TAF4B: variants seen among roughly 807,000 people sequenced by gnomAD.
The protein encoded by TAF4B is TATA-box binding protein associated factor 4b, also known as transcription initiation factor TFIID subunit 4B.
A neutral mutation model predicts 86.4 loss-of-function variants in TAF4B; 38 were observed. The observed-to-expected ratio is 0.44, with a 90% CI of 0.34 to 0.58. The LOEUF (loss-of-function observed/expected upper bound fraction) is 0.58. Among genes scored for constraint, TAF4B ranks in the 20% least tolerant of loss-of-function variants. The probability of loss-of-function intolerance (pLI) is 0.02; values close to 1 mark genes in which losing one functional copy is unlikely to be tolerated. For missense variants in TAF4B, 988 were observed against 1,027.6 expected (o/e 0.96, Z 0.53); for synonymous variants, 388 against 391.2 (o/e 0.99, Z 0.10).
intron 1 of TAF4B, among the ~76,000 whole-genome samples, chr18:26,231,344 G>GTTTTTTTTTTTT (rs1260610897): frequency 1.6e-5 from 1 of 60,788 alleles, no homozygotes; most frequent in Non-Finnish European, 2.9e-5. Context: ...AGCTGCTTGG[G>GTTTTTTTTTTTT]GTTTTTTTTT....
At chr18:26,343,387 C>T (rs367684044) in intron 13 of TAF4B, among the ~76,000 whole-genome samples, 2 of 152,262 alleles carry the variant, frequency 1.3e-5, no homozygotes, top group South Asian at 2.1e-4. Context: ...TTCTAATGAG[C>T]GTACCAAAGC....
chr18:26,315,161 T>TCTCTCTCTCTCTCCCA (rs1282068871), intron 9 of TAF4B, 68 bp from the exon 10 acceptor site: 1 of 210,592 alleles, frequency 4.7e-6, no homozygotes. Flanking sequence ...TCTCTCTCTC[T>TCTCTCTCTCTCTCCCA]CACACACACA....
intron 14 of TAF4B, among the ~76,000 whole-genome samples, chr18:26,358,849 G>C (rs927061268): frequency 6.6e-6 from 1 of 152,196 alleles, no homozygotes; most frequent in African/African-American, 2.4e-5. Context: ...CTTCTCTATA[G>C]AATTTAAATC....
chr18:26,231,428 C>G (rs985258840), intron 1 of TAF4B, among the ~76,000 whole-genome samples: 2 of 146,976 alleles, frequency 1.4e-5, no homozygotes, highest in Non-Finnish European at 3.0e-5. Flanking sequence ...TCTCAGCTCA[C>G]TGCAACCTCT....
intron 13 of TAF4B, 77 bp downstream of exon 13, chr18:26,335,308 G>C (rs772913932): frequency 1.5e-6 from 2 of 1,318,572 alleles, no homozygotes; most frequent in African/African-American, 2.9e-5. Context: ...ATTAGGTCAG[G>C]GTTTATTTTG....
Position 26,255,724 on chromosome 18 carries a change from G to T in TAF4B, c.344-9446G>T, listed in dbSNP as rs2056074450. On this transcript the variant is annotated intron_variant, in intron 1 of 14. Transcript: ENST00000269142. ...CACTCCTGAGTGGAGATGGGCAGAGGCTGTGGCCCCTGCTCCTCTGGCTTC... is the reference window on the plus strand; with the variant it reads ...CACTCCTGAGTGGAGATGGGCAGAGTCTGTGGCCCCTGCTCCTCTGGCTTC... The T allele has an allele frequency of 5.6e-6, 9 of 1,598,208 alleles. No homozygotes were observed. In the South Asian group the frequency reaches 7.7e-5, roughly 14 times the overall value.
chr18:26,309,453 T>C (rs1341207015), intron 9 of TAF4B, among the ~76,000 whole-genome samples: 1 of 152,022 alleles, frequency 6.6e-6, no homozygotes, highest in Non-Finnish European at 1.5e-5. Flanking sequence ...TATGACTCAG[T>C]GAACTAGTAT....
chr18:26,322,312 C>T (rs1328682255), intron 11 of TAF4B, among the ~76,000 whole-genome samples: 1 of 151,886 alleles, frequency 6.6e-6, no homozygotes, highest in African/African-American at 2.4e-5. Context: ...GGAAAAACTA[C>T]ATATGATTGC....
chr18:26,326,292 A>T (rs556121412), intron 11 of TAF4B, among the ~76,000 whole-genome samples: 1 of 152,338 alleles, frequency 6.6e-6, no homozygotes, highest in Non-Finnish European at 1.5e-5. Context: ...CATCCACAGA[A>T]TAGATTGAGC....
Position 26,315,416 on chromosome 18 carries a change from A to T in TAF4B, c.2002+18A>T. ...AGACATTGGTAAGTGTAGAGTTATG[A>T]TTATTGACCTGATAGAGATGTCTGT... On this transcript the variant is annotated intron_variant, in intron 10 of 14. Coordinates refer to ENST00000269142, the MANE Select transcript of TAF4B (RefSeq NM_005640.3). 10 of 1,571,750 alleles carry T rather than the reference A, an allele frequency of 6.4e-6. No homozygotes were observed. The highest frequency in any genetic ancestry group is 8.6e-6 in the Non-Finnish European group (10 of 1,156,992).
chr18:26,277,645 G>A (rs1009691379), intron 5 of TAF4B, among the ~76,000 whole-genome samples: 3 of 148,856 alleles, frequency 2.0e-5, no homozygotes, highest in Admixed American at 2.0e-4. Flanking sequence ...GGTTGGAATA[G>A]TGATTATTTT....
chr18:26,359,630 A>G (rs112543668), intron 14 of TAF4B, among the ~76,000 whole-genome samples: 17 of 152,082 alleles, frequency 1.1e-4, no homozygotes, highest in African/African-American at 4.1e-4. Flanking sequence ...ATACTATTCA[A>G]CTTATTCTTC....
chr18:26,375,902 C>G (rs1227724097), intron 14 of TAF4B, among the ~76,000 whole-genome samples: 1 of 152,048 alleles, frequency 6.6e-6, no homozygotes, highest in Non-Finnish European at 1.5e-5. Context: ...GGTAGGGGCC[C>G]AAATTCATTC....
At chr18:26,281,820 A>G in intron 5 of TAF4B, 151 bp from the exon 6 acceptor site, 1 of 584,038 alleles carries the variant, frequency 1.7e-6, no homozygotes, top group Non-Finnish European at 3.0e-6. Flanking sequence ...ATGCTTACAC[A>G]TTTCATAGGT....
chr18:26,290,905 T>G (rs1163191744), intron 7 of TAF4B, among the ~76,000 whole-genome samples: 1 of 152,206 alleles, frequency 6.6e-6, no homozygotes, highest in African/African-American at 2.4e-5. Flanking sequence ...CTTTGTAAAA[T>G]GTAAGCCTGG....
intron 1 of TAF4B, among the ~76,000 whole-genome samples, chr18:26,227,742 C>G (rs2055600386): frequency 6.6e-6 from 1 of 152,352 alleles, no homozygotes; most frequent in South Asian, 2.1e-4. Flanking sequence ...ACGTCGAACT[C>G]CTGGGCCCAA....
At position 26,390,049 on chromosome 18, in the gene TAF4B, T is replaced by C. The variant is rs771974811; in HGVS notation, c.*37T>C. On this transcript the variant is annotated 3_prime_UTR_variant, in exon 15 of 15. Coordinates refer to ENST00000269142, the MANE Select transcript of TAF4B (RefSeq NM_005640.3). ...TTCCATCCAGATCCTTGCTATTTACTGCCAAAGAAGACACAAAGCATTGTT... is the reference window on the plus strand; with the variant it reads ...TTCCATCCAGATCCTTGCTATTTACCGCCAAAGAAGACACAAAGCATTGTT... 2.6e-5 allele frequency: 42 copies of C among 1,589,072 alleles called. No homozygotes were observed. Among genetic ancestry groups the C allele is most frequent in the Non-Finnish European group, 3.4e-5 (40 of 1,167,520 alleles).
intron 14 of TAF4B, among the ~76,000 whole-genome samples, chr18:26,364,595 T>A (rs370917776): frequency 4.6e-5 from 7 of 152,196 alleles, no homozygotes; most frequent in African/African-American, 1.4e-4. Context: ...CCATTAGCTA[T>A]ACTTTCAAAT....
chr18:26,242,257 A>G (rs1316631235), intron 1 of TAF4B, among the ~76,000 whole-genome samples: 1 of 152,108 alleles, frequency 6.6e-6, no homozygotes, highest in African/African-American at 2.4e-5. Flanking sequence ...TGCTTTATGA[A>G]TCTGGGTGCT....
Sources: allele counts gnomAD v4.1 joint callset (sites outside exome capture counted in the v4.1 genomes callset), GRCh38; gene constraint gnomAD v4.1.1; transcripts MANE v1.5; gene names NCBI Gene and HGNC (gene_info 2026-07-23, HGNC 2026-07-21).